The following IMPG2 variants were observed in gnomAD, a reference collection of about 807,000 sequenced individuals.
IMPG2 encodes IPM 200.
A neutral mutation model predicts 129.2 loss-of-function variants in IMPG2; 91 were observed. The observed-to-expected ratio is 0.70, with a 90% CI of 0.59 to 0.84. IMPG2 has a LOEUF of 0.84. Among genes scored for constraint, IMPG2 ranks in the 40% least tolerant of loss-of-function variants. The pLI is 0.00. For missense variants in IMPG2, 1,430 were observed against 1,461.7 expected (o/e 0.98, Z 0.35); for synonymous variants, 510 against 517.7 (o/e 0.99, Z 0.20).
At chr3:101,241,921 C>T (rs1559642094) in intron 14 of IMPG2, among the ~76,000 whole-genome samples, 2 of 151,672 alleles carry the variant, frequency 1.3e-5, no homozygotes, top group Non-Finnish European at 1.5e-5. Flanking sequence ...CCAAGCTACT[C>T]GGGAGGCTGA....
intron 14 of IMPG2, among the ~76,000 whole-genome samples, chr3:101,235,471 A>T (rs1315195165): frequency 6.6e-6 from 1 of 152,248 alleles, no homozygotes; most frequent in African/African-American, 2.4e-5. Context: ...TTCTGCAGGT[A>T]TATGTGTCTG....
rs1291433355 is a variant in IMPG2, at chr3:101,243,773, T to A, written c.2558A>T (p.Glu853Val). ...CTTGCCATTTTGCTCTTGGACTTGC[T>A]CAGGCTGATAGTAATCTGTGCCTAT... ...DRIGTDYYQP[E>V]QVQEQNGKVG... The change falls in exon 13 of 19, where the codon GAG (glutamate) becomes GTG (valine). Residue 853 changes from glutamate (E) to valine (V), a missense_variant. Glu to Val is a moderately radical substitution (Grantham distance 121, BLOSUM62 -2). Transcript: ENST00000193391. The A allele has an allele frequency of 6.2e-7, 1 of 1,613,992 alleles. No individual in the cohort carries two copies. The highest frequency in any genetic ancestry group is 1.7e-5 in the Admixed American group (1 of 60,020).
intron 14 of IMPG2, among the ~76,000 whole-genome samples, chr3:101,237,707 C>T (rs1292394145): frequency 6.6e-6 from 1 of 152,090 alleles, no homozygotes; most frequent in East Asian, 1.9e-4. Context: ...ACAGAAACTC[C>T]ATGCAAAGGT....
chr3:101,269,557 G>C lies in IMPG2; in HGVS notation c.845C>G (p.Thr282Ser). 6.3e-7 allele frequency: 1 copy of C among 1,592,244 alleles called. No individual in the cohort carries two copies. Among genetic ancestry groups the C allele is most frequent in the Non-Finnish European group, 8.6e-7 (1 of 1,160,468 alleles). ...AATTTCCTTGTAGCCTGGTAACCCA[G>C]TAAATGCATTTTCAACCTGTTAAAA... ...EFISEVENAFTGLPGYKEIRV... is the reference protein window; with the variant it reads ...EFISEVENAFSGLPGYKEIRV... The change falls in exon 8 of 19, where the codon ACT (threonine) becomes AGT (serine). Residue 282 changes from threonine (T) to serine (S), a missense_variant. By Grantham distance (58) the Thr-to-Ser change is moderately conservative (BLOSUM62 1). Coordinates refer to ENST00000193391, the MANE Select transcript of IMPG2 (RefSeq NM_016247.4).
In IMPG2 at chr3:101,291,501, A is replaced by T. The variant is rs1443856504; in HGVS notation, c.511T>A (p.Tyr171Asn). The part of the protein sequence containing the change: ...HRSLIMKKLT[Y>N]AKETVSSSEL... ...CACCTGCTTACAGTTTCCTTTGCATAAGTCAGTTTCTAAGGAAAACAAAGA... is the reference window on the plus strand; with the variant it reads ...CACCTGCTTACAGTTTCCTTTGCATTAGTCAGTTTCTAAGGAAAACAAAGA... The change falls in exon 4 of 19, where the codon TAT becomes AAT. Residue 171 changes from tyrosine to asparagine, a missense_variant. By Grantham distance (143) the Tyr-to-Asn change is moderately radical. Coordinates refer to ENST00000193391, the MANE Select transcript of IMPG2 (RefSeq NM_016247.4). 6.2e-7 allele frequency: 1 copy of T among 1,612,840 alleles called. No homozygotes were observed. Among genetic ancestry groups the T allele is most frequent in the South Asian group, 1.1e-5 (1 of 91,040 alleles).
In IMPG2 at chr3:101,244,022, A is replaced by C. The variant is rs775688217; in HGVS notation, c.2309T>G (p.Met770Arg). The change falls in exon 13 of 19, where the codon ATG becomes AGG. Residue 770 changes from methionine to arginine, a missense_variant. Coordinates refer to ENST00000193391, the MANE Select transcript of IMPG2 (RefSeq NM_016247.4). Reference protein sequence around the residue: ...DSEVSMVKPDMQTLWTILPES... With the variant: ...DSEVSMVKPDRQTLWTILPES... ...TGGCAATATAGTCCACAAAGTTTGCATATCTGGCTTTACCATTGAAACCTC... is the reference window on the plus strand; with the variant it reads ...TGGCAATATAGTCCACAAAGTTTGCCTATCTGGCTTTACCATTGAAACCTC... 1.2e-6 allele frequency: 2 copies of C among 1,614,206 alleles called. No individual in the cohort carries two copies. Among genetic ancestry groups the C allele is most frequent in the Non-Finnish European group, 1.7e-6 (2 of 1,180,048 alleles).
intron 7 of IMPG2, among the ~76,000 whole-genome samples, chr3:101,272,147 A>G (rs1057412487): frequency 6.6e-6 from 1 of 151,838 alleles, no homozygotes; most frequent in Non-Finnish European, 1.5e-5. Flanking sequence ...ACACACAAAG[A>G]CTAATAGCTC....
intron 8 of IMPG2, among the ~76,000 whole-genome samples, chr3:101,268,807 A>G (rs1365358400): frequency 6.6e-6 from 1 of 152,154 alleles, no homozygotes; most frequent in African/African-American, 2.4e-5. Context: ...AAGAAAAGCT[A>G]TAAAGTCAGC....
intron 14 of IMPG2, among the ~76,000 whole-genome samples, chr3:101,238,249 G>A (rs1041583777): frequency 6.6e-6 from 1 of 152,158 alleles, no homozygotes; most frequent in East Asian, 1.9e-4. Flanking sequence ...TTTGATTGGT[G>A]TACCTGAAAG....
chr3:101,279,220 G>A (rs1198884447), intron 4 of IMPG2, among the ~76,000 whole-genome samples: 1 of 152,164 alleles, frequency 6.6e-6, no homozygotes, highest in Non-Finnish European at 1.5e-5. Context: ...ACACTGCTAA[G>A]TGCTTTATTT....
At chr3:101,231,716 C>T (rs982431990) in intron 15 of IMPG2, among the ~76,000 whole-genome samples, 4 of 152,202 alleles carry the variant, frequency 2.6e-5, no homozygotes, top group Admixed American at 2.0e-4. Context: ...GGCATCTATG[C>T]CAACATTTGC....
rs753252572 is a variant in IMPG2, at chr3:101,278,701, T to TA, written c.534-1989dup. On this transcript the variant is annotated intron_variant, in intron 4 of 18. Coordinates refer to ENST00000193391, the MANE Select transcript of IMPG2 (RefSeq NM_016247.4). ...GGCAGAAAATTTGAGAAACATAAGT[T>TA]AAAAAAAAAAAACAAACTTCACCAT... Among the ~76,000 whole-genome samples, 466 of 141,684 alleles carry TA rather than the reference T, an allele frequency of 3.3e-3. 1 individual carries two copies. The highest frequency in any genetic ancestry group is 4.7e-3 in the Admixed American group (67 of 14,196). The allele number at this position is 141,684 out of a possible 152,430, so 93.0% of individuals were successfully genotyped here. A position where few individuals can be genotyped will look rare whatever the true frequency, so the allele number is the denominator to read the frequency against.
Position 101,304,227 on chromosome 3 carries a change from C to T in IMPG2, c.420G>A (p.Leu140=). 1.2e-6 allele frequency: 2 copies of T among 1,613,918 alleles called. No individual in the cohort carries two copies. The highest frequency in any genetic ancestry group is 1.7e-6 in the Non-Finnish European group (2 of 1,179,788). Residue 140 remains leucine (L), a synonymous_variant, in exon 3 of 19, where the codon TTG becomes TTA. Coordinates refer to ENST00000193391, the MANE Select transcript of IMPG2 (RefSeq NM_016247.4). ...GREEYHYWMN[L]CEDGVTSIFE... ...ATATACTTGTGACTCCATCCTCACA[C>T]AAATTCATCCAGTAATGATATTCCT...
intron 4 of IMPG2, among the ~76,000 whole-genome samples, chr3:101,291,274 C>A (rs1021875974): frequency 6.6e-6 from 1 of 152,172 alleles, no homozygotes; most frequent in African/African-American, 2.4e-5. Flanking sequence ...GTTCAGACAG[C>A]AAATGCGCAC....
At chr3:101,230,637 G>A (rs1706274727) in intron 16 of IMPG2, among the ~76,000 whole-genome samples, 1 of 152,174 alleles carries the variant, frequency 6.6e-6, no homozygotes, top group Non-Finnish European at 1.5e-5. Context: ...CAGCTAGAAA[G>A]CATCCCAGCC....
intron 3 of IMPG2, among the ~76,000 whole-genome samples, chr3:101,294,810 T>C (rs1235378812): frequency 6.6e-6 from 1 of 152,246 alleles, no homozygotes; most frequent in Non-Finnish European, 1.5e-5. Flanking sequence ...TGGTATGTCA[T>C]TTTGGTTTTG....
chr3:101,268,312 C>A (rs78271060), intron 8 of IMPG2, among the ~76,000 whole-genome samples: 4 of 152,092 alleles, frequency 2.6e-5, no homozygotes, highest in Non-Finnish European at 2.9e-5. Flanking sequence ...TCATGTGCTG[C>A]CAAATAAGGG....
At chr3:101,316,316 A>G (rs2058785011) in intron 2 of IMPG2, among the ~76,000 whole-genome samples, 1 of 152,032 alleles carries the variant, frequency 6.6e-6, no homozygotes, top group African/African-American at 2.4e-5. Context: ...AAAATAGAAA[A>G]GGCAAGCTAC....
chr3:101,232,698 T>C (rs764382964), intron 15 of IMPG2, 83 bp downstream of exon 15: 14 of 1,115,174 alleles, frequency 1.3e-5, no homozygotes, highest in Non-Finnish European at 1.9e-5. Flanking sequence ...ATAATAAGTA[T>C]CCTAAAATTA....
Sources: allele counts gnomAD v4.1 joint callset (sites outside exome capture counted in the v4.1 genomes callset), GRCh38; gene constraint gnomAD v4.1.1; transcripts MANE v1.5; gene names NCBI Gene and HGNC (gene_info 2026-07-23, HGNC 2026-07-21).